The following DGKB variants were observed in gnomAD, a reference collection of about 807,000 sequenced individuals.
DGKB encodes the protein diacylglycerol kinase beta, also known as 90 kDa diacylglycerol kinase.
Under a neutral mutation model 114.3 loss-of-function variants are expected in DGKB, and 67 were observed. The observed-to-expected ratio is 0.59, with a 90% CI of 0.48 to 0.72. The LOEUF is 0.72. DGKB is among the 30% of genes least tolerant of loss of function. DGKB has a pLI of 0.00. For missense variants in DGKB, 907 were observed against 975.2 expected (o/e 0.93, Z 0.93); for synonymous variants, 398 against 323.1 (o/e 1.23, Z -2.49).
chr7:14,412,455 A>G (rs1422122675), intron 21 of DGKB, among the ~76,000 whole-genome samples: 1 of 152,198 alleles, frequency 6.6e-6, no homozygotes, highest in African/African-American at 2.4e-5. Context: ...AAAAAGTGCA[A>G]GACATACATA....
intron 5 of DGKB, among the ~76,000 whole-genome samples, chr7:14,723,870 C>G (rs1341840345): frequency 6.6e-6 from 1 of 152,062 alleles, no homozygotes; most frequent in Non-Finnish European, 1.5e-5. Flanking sequence ...TCATTATACT[C>G]CAATCTAGAC....
chr7:14,584,141 G>C (rs1800366304), intron 17 of DGKB, among the ~76,000 whole-genome samples: 1 of 152,188 alleles, frequency 6.6e-6, no homozygotes, highest in African/African-American at 2.4e-5. Flanking sequence ...TTGTGTATCA[G>C]TATATAACAT....
intron 5 of DGKB, among the ~76,000 whole-genome samples, chr7:14,726,442 GT>G (rs1309939978): frequency 2.0e-5 from 3 of 152,074 alleles, no homozygotes; most frequent in Admixed American, 6.6e-5. Context: ...CAGAATCGGA[GT>G]TTTATACTCT....
Position 14,145,804 on chromosome 7 carries a change from A to ATGTTGTT in DGKB, c.*3326_*3327insAACAACA, listed in dbSNP as rs1781420129. 6.6e-6 allele frequency: 1 copy of ATGTTGTT among 152,202 alleles called. No homozygotes were observed. The highest frequency in any genetic ancestry group is 1.5e-5 in the Non-Finnish European group (1 of 68,036). 9.4% of individuals were successfully genotyped at this position (152,202 alleles called of 1,614,324 possible). ...TGAACAACAAACTAACGTTGACACAAAAAGGAAAAGAATGATCTCAAAATC... is the reference window on the plus strand; with the variant it reads ...TGAACAACAAACTAACGTTGACACAATGTTGTTAAAGGAAAAGAATGATCTCAAAATC... On this transcript the variant is annotated 3_prime_UTR_variant, in exon 26 of 26. Coordinates refer to ENST00000402815, the MANE Select transcript of DGKB (RefSeq NM_001350709.2).
intron 21 of DGKB, among the ~76,000 whole-genome samples, chr7:14,477,692 A>G (rs1782389252): frequency 1.3e-5 from 2 of 152,162 alleles, no homozygotes; most frequent in Admixed American, 1.3e-4. Flanking sequence ...CTCTAAAAAT[A>G]ATTTATATTG....
chr7:14,874,790 A>G (rs887300580), intron 1 of DGKB, among the ~76,000 whole-genome samples: 4 of 152,122 alleles, frequency 2.6e-5, no homozygotes, highest in African/African-American at 9.7e-5. Context: ...TTCCAAATCA[A>G]TTCCCCCACA....
intron 21 of DGKB, among the ~76,000 whole-genome samples, chr7:14,346,071 AATT>A (rs1308999397): frequency 6.6e-6 from 1 of 151,658 alleles, no homozygotes; most frequent in Non-Finnish European, 1.5e-5. Context: ...TCATGCCCTC[AATT>A]AGAAGACAAT....
intron 21 of DGKB, among the ~76,000 whole-genome samples, chr7:14,353,998 T>G (rs1813991174): frequency 6.6e-6 from 1 of 152,208 alleles, no homozygotes; most frequent in Non-Finnish European, 1.5e-5. Flanking sequence ...ATCAGATATT[T>G]TATCACTGTC....
At chr7:14,204,932 A>G (rs1047344165) in intron 23 of DGKB, among the ~76,000 whole-genome samples, 29 of 151,990 alleles carry the variant, frequency 1.9e-4, no homozygotes, top group African/African-American at 6.8e-4. Flanking sequence ...ATAAGCTTTC[A>G]TTGTGTGTGT....
At chr7:14,434,568 C>A (rs1563176457) in intron 21 of DGKB, among the ~76,000 whole-genome samples, 1 of 152,180 alleles carries the variant, frequency 6.6e-6, no homozygotes, top group South Asian at 2.1e-4. Context: ...CCATAGAGCC[C>A]CAGAAAGGAA....
At chr7:14,573,051 T>C (rs1798624150) in intron 20 of DGKB, among the ~76,000 whole-genome samples, 1 of 152,158 alleles carries the variant, frequency 6.6e-6, no homozygotes, top group South Asian at 2.1e-4. Context: ...GTTCTAAAAT[T>C]GGATTAATTT....
chr7:14,591,946 A>G (rs1801772245), intron 17 of DGKB, among the ~76,000 whole-genome samples: 1 of 152,102 alleles, frequency 6.6e-6, no homozygotes, highest in Non-Finnish European at 1.5e-5. Flanking sequence ...AGAATCTTGG[A>G]AAGTGTCATA....
At chr7:14,552,495 T>A (rs1163148932) in intron 20 of DGKB, among the ~76,000 whole-genome samples, 4 of 152,202 alleles carry the variant, frequency 2.6e-5, no homozygotes, top group African/African-American at 9.6e-5. Context: ...TTAACTGGAT[T>A]ATCCACTGGG....
At position 14,559,048 on chromosome 7, in the gene DGKB, C is replaced by T. The variant is rs974076561; in HGVS notation, c.1770+15164G>A. Reference sequence around the variant, plus strand: ...CCAAATATTCCCCTGGGAAAGCCCACAGGTGTGTGTGAAATGTGCTAGGAT... The same window carrying T: ...CCAAATATTCCCCTGGGAAAGCCCATAGGTGTGTGTGAAATGTGCTAGGAT... On this transcript the variant is annotated intron_variant, in intron 20 of 25. Transcript: ENST00000402815. Among the ~76,000 whole-genome samples, 17 of 152,204 alleles carry T rather than the reference C, an allele frequency of 1.1e-4. 1 individual carries two copies. The highest frequency in any genetic ancestry group is 3.4e-4 in the African/African-American group (14 of 41,464).
At chr7:14,875,495 G>A (rs957524911) in intron 1 of DGKB, among the ~76,000 whole-genome samples, 2 of 152,106 alleles carry the variant, frequency 1.3e-5, no homozygotes, top group Non-Finnish European at 2.9e-5. Flanking sequence ...GAATGCCTGT[G>A]TCAAGCATAA....
intron 1 of DGKB, among the ~76,000 whole-genome samples, chr7:14,951,531 C>T (rs967912118): frequency 1.3e-5 from 2 of 151,846 alleles, no homozygotes; most frequent in African/African-American, 4.8e-5. Flanking sequence ...ACAATCGAGG[C>T]ACAGGAAGTT....
At chr7:14,686,400 AATC>A (rs1214417762) in intron 9 of DGKB, among the ~76,000 whole-genome samples, 1 of 152,170 alleles carries the variant, frequency 6.6e-6, no homozygotes, top group Non-Finnish European at 1.5e-5. Context: ...TTTGTAGTCT[AATC>A]ATCAAATTAT....
At chr7:14,810,233 C>CA (rs530798574) in intron 2 of DGKB, among the ~76,000 whole-genome samples, 53 of 152,274 alleles carry the variant, frequency 3.5e-4, no homozygotes, top group Non-Finnish European at 7.1e-4. Flanking sequence ...CAAGATGCTA[C>CA]AATGATTTGG....
chr7:14,213,693 G>C (rs1460945280), intron 23 of DGKB, among the ~76,000 whole-genome samples: 1 of 152,096 alleles, frequency 6.6e-6, no homozygotes, highest in Non-Finnish European at 1.5e-5. Flanking sequence ...CAAAAATGCT[G>C]ATTATTCTGG....
Sources: allele counts gnomAD v4.1 joint callset (sites outside exome capture counted in the v4.1 genomes callset), GRCh38; gene constraint gnomAD v4.1.1; transcripts MANE v1.5; gene names NCBI Gene and HGNC (gene_info 2026-07-23, HGNC 2026-07-21).